BABAM1: variants seen among roughly 807,000 people sequenced by gnomAD.
BABAM1 encodes the protein BRISC and BRCA1-A complex member 1.
Under a neutral mutation model 34.4 loss-of-function variants are expected in BABAM1, and 14 were observed. The observed-to-expected ratio is 0.41, with a 90% CI of 0.27 to 0.64. The LOEUF (loss-of-function observed/expected upper bound fraction) is 0.64, where lower values mean the gene tolerates loss of function less well. BABAM1 is among the 30% of genes least tolerant of loss of function. The pLI, the probability that BABAM1 is intolerant of heterozygous loss-of-function variation, is 0.34. For synonymous variants in BABAM1, 169 were observed against 165.8 expected, an observed-to-expected ratio of 1.02 and a Z score of -0.15; for missense variants, 393 against 434.0, an observed-to-expected ratio of 0.91 and a Z score of 0.84.
At position 17,273,925 on chromosome 19, in the gene BABAM1, T is replaced by C; in HGVS notation, c.366T>C (p.Asn122=). The C allele has an allele frequency of 6.2e-7, 1 of 1,613,246 alleles. No homozygotes were observed. The highest frequency in any genetic ancestry group is 8.5e-7 in the Non-Finnish European group (1 of 1,179,656). ...SFNGSKTNAL[N]VSQKMIEMFV... ...CCAGCTCCAAAACCAACGCCCTCAA[T>C]GTCTCCCAGAAGATGATTGAGATGT... Residue 122 remains asparagine, a synonymous_variant, in exon 4 of 9, where the codon AAT becomes AAC. Transcript: ENST00000598188.
chr19:17,274,559 C>T (rs187842939), intron 5 of BABAM1: 36 of 188,906 alleles, frequency 1.9e-4, no homozygotes, highest in Non-Finnish European at 2.7e-4. Context: ...CAGAGTGAGA[C>T]TCCGTCTTTT....
At chr19:17,275,851 A>G (rs769688903) in intron 6 of BABAM1, 26 bp downstream of exon 6, 1 of 1,607,726 alleles carries the variant, frequency 6.2e-7, no homozygotes, top group Non-Finnish European at 8.5e-7. Flanking sequence ...GGAAATTCTT[A>G]TTCACCTTCA....
chr19:17,272,841 AC>A (rs1259355905), intron 3 of BABAM1, among the ~76,000 whole-genome samples: 5 of 150,726 alleles, frequency 3.3e-5, no homozygotes, highest in African/African-American at 1.2e-4. Flanking sequence ...ACATAGTGAA[AC>A]CCCCACCTCC....
At chr19:17,278,035 G>A (rs1462759662) in intron 8 of BABAM1, among the ~76,000 whole-genome samples, 2 of 151,810 alleles carry the variant, frequency 1.3e-5, no homozygotes, top group East Asian at 2.0e-4. Flanking sequence ...TTAACCAGGC[G>A]TGGTGGCACA....
At chr19:17,275,942 C>A in intron 6 of BABAM1, 117 bp downstream of exon 6, 2 of 1,184,648 alleles carry the variant, frequency 1.7e-6, no homozygotes, top group Non-Finnish European at 2.5e-6. Context: ...TCCCTTCCTA[C>A]CTCGCCCCGA....
In BABAM1 at chr19:17,273,957, G is replaced by A. The variant is rs1378872301; in HGVS notation, c.398G>A (p.Arg133Gln). 4 of 1,613,726 alleles carry A rather than the reference G, an allele frequency of 2.5e-6. No individual in the cohort carries two copies. Among genetic ancestry groups the A allele is most frequent in the African/African-American group, 1.3e-5 (1 of 74,904 alleles). The change falls in exon 4 of 9, where the codon CGG (arginine) becomes CAG (glutamine). Residue 133 changes from arginine (R) to glutamine (Q), a missense_variant. Coordinates refer to ENST00000598188, the MANE Select transcript of BABAM1 (RefSeq NM_014173.4). ...CAGAAGATGATTGAGATGTTCGTGC[G>A]GACAAAACACAAGATCGACAAAAGC... ...VSQKMIEMFV[R>Q]TKHKIDKSHE... is the part of the protein sequence containing the mutation.
rs989461326 is a variant in BABAM1, at chr19:17,268,674, C to T, written c.-13-120C>T. The T allele has an allele frequency of 7.0e-6, 8 of 1,135,302 alleles. No homozygotes were observed. In the African/African-American group the frequency reaches 1.3e-4, roughly 18 times the overall value. 70.3% of individuals were successfully genotyped at this position (1,135,302 alleles called of 1,614,324 possible). ...GAACTTCCAACCTCAGGTGATCCAC[C>T]TGCCTCGGCCTCCCAAAGTGCTGGG... On this transcript the variant is annotated intron_variant, in intron 1 of 8. Coordinates refer to ENST00000598188, the MANE Select transcript of BABAM1 (RefSeq NM_014173.4).
In BABAM1 at chr19:17,268,874, C is replaced by T. The variant is rs1287151602; in HGVS notation, c.68C>T (p.Pro23Leu). ...GAGGAAGAGGAGCACTCGGCAGAGC[C>T]TCGGCCCCGCACTCGCTCCAATCCT... ...EEEEEEHSAE[P>L]RPRTRSNPEG... The change falls in exon 2 of 9, where the codon CCT (proline) becomes CTT (leucine). Residue 23 changes from proline to leucine, a missense_variant. Pro to Leu is a moderately conservative substitution (Grantham distance 98). Transcript: ENST00000598188. The T allele has an allele frequency of 6.2e-7, 1 of 1,601,628 alleles. No homozygotes were observed. The highest frequency in any genetic ancestry group is 1.1e-5 in the South Asian group (1 of 88,994).
intron 3 of BABAM1, among the ~76,000 whole-genome samples, chr19:17,273,435 G>A (rs888063250): frequency 3.9e-5 from 6 of 152,120 alleles, no homozygotes; most frequent in East Asian, 1.9e-4. Flanking sequence ...CAGGAGCTCC[G>A]ATGTCAGCCA....
At chr19:17,275,286 A>T (rs1276452812) in intron 5 of BABAM1, among the ~76,000 whole-genome samples, 2 of 141,142 alleles carry the variant, frequency 1.4e-5, no homozygotes, top group African/African-American at 5.0e-5. Flanking sequence ...TGTGGATCTT[A>T]TTTATTATTA....
rs1481829100 is a variant in BABAM1 at position 17,276,524 on chromosome 19, A to T, written c.599A>T (p.Glu200Val). Residue 200 changes from glutamate (E) to valine (V), a missense_variant, in exon 7 of 9, where the codon GAG (glutamate) becomes GTG (valine). Physicochemically the swap from Glu to Val is moderately radical, Grantham distance 121 (BLOSUM62 -2). Transcript: ENST00000598188. ...CAGAAAACTGAGCTTCCGGTCACAG[A>T]GAACGTGCAGACGATTCCCCCGCCA... ...IQQKTELPVTENVQTIPPPYV... is the reference protein window; with the variant it reads ...IQQKTELPVTVNVQTIPPPYV... 1.3e-6 allele frequency: 2 copies of T among 1,594,616 alleles called. No individual in the cohort carries two copies. Among genetic ancestry groups the T allele is most frequent in the Non-Finnish European group, 1.7e-6 (2 of 1,170,904 alleles).
chr19:17,274,439 A>C (rs2073884371), intron 5 of BABAM1: 1 of 517,904 alleles, frequency 1.9e-6, no homozygotes, highest in Admixed American at 3.3e-5. Flanking sequence ...ATGGTGGTCC[A>C]TGCCTATAAT....
At position 17,269,039 on chromosome 19, in the gene BABAM1, C is replaced by T; in HGVS notation, c.233C>T (p.Pro78Leu). 1 of 1,602,442 alleles carries T rather than the reference C, an allele frequency of 6.2e-7. No homozygotes were observed. The highest frequency in any genetic ancestry group is 8.5e-7 in the Non-Finnish European group (1 of 1,175,320). ...CCTAAGTCCTGGCAGGTGCCCCCGC[C>T]AGCCCCTGAGGTCCAAATTCGGACA... ...AGPKSWQVPP[P>L]APEVQIRTPR... Residue 78 changes from proline (P) to leucine (L), a missense_variant, in exon 2 of 9, where the codon CCA (proline) becomes CTA (leucine). Coordinates refer to ENST00000598188, the MANE Select transcript of BABAM1 (RefSeq NM_014173.4).
At chr19:17,270,362 C>T (rs144149413) in intron 2 of BABAM1, among the ~76,000 whole-genome samples, 4 of 151,084 alleles carry the variant, frequency 2.6e-5, no homozygotes. Context: ...TTGCCTAATT[C>T]TGTCCAGTCC....
rs371774681 is a variant in BABAM1, at chr19:17,278,755, C to G, written c.787-90C>G. 2.3e-4 allele frequency: 307 copies of G among 1,309,976 alleles called. 5 individuals are homozygous for G. In the East Asian group the frequency reaches 5.9e-3, roughly 25 times the overall value. 81.1% of individuals were successfully genotyped at this position (1,309,976 alleles called of 1,614,324 possible). On this transcript the variant is annotated intron_variant, in intron 8 of 8. Transcript: ENST00000598188. ...CTTTAGAACCCACCCCAGATGTCCCCTCTTCTGAGAAGCCCTCCAGGGATA... is the reference window on the plus strand; with the variant it reads ...CTTTAGAACCCACCCCAGATGTCCCGTCTTCTGAGAAGCCCTCCAGGGATA...
chr19:17,277,752 G>A (rs764408830), intron 8 of BABAM1, among the ~76,000 whole-genome samples: 13 of 151,922 alleles, frequency 8.6e-5, no homozygotes, highest in Admixed American at 1.3e-4. Flanking sequence ...GGTGGTGTAC[G>A]CCTGTGGTCC....
chr19:17,268,610 G>A, intron 1 of BABAM1, 184 bp from the exon 2 acceptor site: 1 of 572,324 alleles, frequency 1.7e-6, no homozygotes, highest in Middle Eastern at 4.8e-4. Context: ...TGTATTTTTA[G>A]TTGAGACGGG....
Position 17,271,758 on chromosome 19 carries a change from G to A in BABAM1, c.344+103G>A, listed in dbSNP as rs180794718. On this transcript the variant is annotated intron_variant, in intron 3 of 8. Coordinates refer to ENST00000598188, the MANE Select transcript of BABAM1 (RefSeq NM_014173.4). Reference sequence around the variant, plus strand: ...CTGAAACTCACACCAGCTTGGTCTGGCTTCAGGCTTGGCAGTATCAGAGAT... The same window carrying A: ...CTGAAACTCACACCAGCTTGGTCTGACTTCAGGCTTGGCAGTATCAGAGAT... 6.7e-6 allele frequency: 9 copies of A among 1,334,112 alleles called. No homozygotes were observed. The African/African-American group carries it at 1.3e-4, about 19-fold the overall frequency. 82.6% of individuals were successfully genotyped at this position (1,334,112 alleles called of 1,614,324 possible). A position where few individuals can be genotyped will look rare whatever the true frequency, so the allele number is the denominator to read the frequency against.
intron 6 of BABAM1, 75 bp from the exon 7 acceptor site, chr19:17,276,420 G>T: frequency 6.5e-7 from 1 of 1,548,190 alleles, no homozygotes; most frequent in South Asian, 1.2e-5. Flanking sequence ...TGAGCATCTG[G>T]GGTCTCTCTC....
Sources: allele counts gnomAD v4.1 joint callset (sites outside exome capture counted in the v4.1 genomes callset), GRCh38; gene constraint gnomAD v4.1.1; transcripts MANE v1.5; gene names NCBI Gene and HGNC (gene_info 2026-07-23, HGNC 2026-07-21).